NPHS1: variants seen among roughly 807,000 people sequenced by gnomAD.
NPHS1 encodes NPHS1 adhesion molecule, nephrin, also known as nephrin.
NPHS1 carries 107 observed loss-of-function variants against 139.7 expected under a neutral mutation model. The ratio of observed to expected loss-of-function variants is 0.77; its 90% CI spans 0.66 to 0.90. The LOEUF (loss-of-function observed/expected upper bound fraction) is 0.90. Ranked by LOEUF, NPHS1 falls within the 40% of genes least tolerant of loss-of-function variation. The pLI is 0.00. For missense variants in NPHS1, 1,580 were observed against 1,654.2 expected (o/e 0.96, Z 0.78); for synonymous variants, 707 against 706.6 (o/e 1.00, Z -0.01).
intron 28 of NPHS1, among the ~76,000 whole-genome samples, chr19:35,827,574 C>T (rs1464031804): frequency 6.6e-6 from 1 of 152,072 alleles, no homozygotes; most frequent in Non-Finnish European, 1.5e-5. Context: ...TGAAGCAAGC[C>T]CAAGATACCC....
Position 35,851,058 on chromosome 19 carries a change from C to T in NPHS1, c.429G>A (p.Glu143=), listed in dbSNP as rs1173468417. The part of the protein sequence containing the change: ...VPPKLLLLTP[E]AGTMVTWVAG... ...CTACCCAGGTGACCATGGTGCCTGC[C>T]TCTGGGGTCAGCAGGAGCAGCTTGG... The change falls in exon 4 of 29, where the codon GAG becomes GAA. Residue 143 remains glutamate (E), a synonymous_variant. Coordinates refer to ENST00000378910, the MANE Select transcript of NPHS1 (RefSeq NM_004646.4). 3.7e-6 allele frequency: 6 copies of T among 1,614,202 alleles called. No individual in the cohort carries two copies. The highest frequency in any genetic ancestry group is 2.2e-5 in the South Asian group (2 of 91,084).
Position 35,826,031 on chromosome 19 carries a change from C to T in NPHS1, c.*483G>A, listed in dbSNP as rs199649890. 8.3e-5 allele frequency: 14 copies of T among 168,024 alleles called. No homozygotes were observed. In the East Asian group the frequency reaches 1.7e-3, roughly 20 times the overall value. 10.4% of individuals were successfully genotyped at this position (168,024 alleles called of 1,614,324 possible). ...CGTGATCTCAGCTCACTGCAACCTCCGCCTCCTGGGTTCAAGCAATTCTCA... is the reference window on the plus strand; with the variant it reads ...CGTGATCTCAGCTCACTGCAACCTCTGCCTCCTGGGTTCAAGCAATTCTCA... On this transcript the variant is annotated 3_prime_UTR_variant, in exon 29 of 29. Coordinates refer to ENST00000378910, the MANE Select transcript of NPHS1 (RefSeq NM_004646.4).
chr19:35,836,040 A>G (rs2146812586), intron 22 of NPHS1, among the ~76,000 whole-genome samples: 1 of 145,212 alleles, frequency 6.9e-6, no homozygotes, highest in East Asian at 2.1e-4. Context: ...GCTCACTGAA[A>G]CCTCTGCCTC....
chr19:35,843,307 C>T (rs1001658854), intron 17 of NPHS1, among the ~76,000 whole-genome samples, 165 bp downstream of exon 17: 3 of 152,212 alleles, frequency 2.0e-5, no homozygotes, highest in Non-Finnish European at 4.4e-5. Context: ...TTTATCCATG[C>T]ATTCATTTTG....
intron 16 of NPHS1, chr19:35,843,885 T>C (rs752813342): frequency 1.1e-5 from 8 of 702,748 alleles, no homozygotes; most frequent in African/African-American, 1.8e-5. Flanking sequence ...CTTCCGTGTC[T>C]AGGCGGGCAC....
At chr19:35,837,026 A>AAAGAAAGAAAG (rs1399679221) in intron 22 of NPHS1, among the ~76,000 whole-genome samples, 5 of 131,864 alleles carry the variant, frequency 3.8e-5, no homozygotes, top group African/African-American at 1.1e-4. Flanking sequence ...AAAAGAAAAG[A>AAAGAAAGAAAG]AAAGAAAGAA....
In NPHS1 at chr19:35,839,418, C is replaced by T; in HGVS notation, c.2928G>A (p.Arg976=). The part of the protein sequence containing the change: ...DGGLPQRFCI[R]YEALGTPGFH... Reference sequence around the variant, plus strand: ...ACCCTGGAGTCCCCAGGGCCTCATACCTGCAGGACAGGGGGATAGTAAATT... The same window carrying T: ...ACCCTGGAGTCCCCAGGGCCTCATATCTGCAGGACAGGGGGATAGTAAATT... Residue 976 remains arginine, a splice_region_variant and synonymous_variant, in exon 22 of 29, where the codon AGG becomes AGA. Coordinates refer to ENST00000378910, the MANE Select transcript of NPHS1 (RefSeq NM_004646.4). 1 of 1,614,112 alleles carries T rather than the reference C, an allele frequency of 6.2e-7. No homozygotes were observed. The highest frequency in any genetic ancestry group is 1.1e-5 in the South Asian group (1 of 91,084).
At position 35,851,017 on chromosome 19, in the gene NPHS1, A is replaced by G. The variant is rs778247132; in HGVS notation, c.470T>C (p.Val157Ala). 6.2e-7 allele frequency: 1 copy of G among 1,614,188 alleles called. No homozygotes were observed. The highest frequency in any genetic ancestry group is 8.5e-7 in the Non-Finnish European group (1 of 1,180,040). Residue 157 changes from valine (V) to alanine (A), a missense_variant, in exon 4 of 29, where the codon GTG (valine) becomes GCG (alanine). Coordinates refer to ENST00000378910, the MANE Select transcript of NPHS1 (RefSeq NM_004646.4). ...MVTWVAGQEY[V>A]VNCVSGDAKP... Reference sequence around the variant, plus strand: ...CGCGTCCCCAGACACACAGTTGACCACGTACTCCTGCCCAGCTACCCAGGT... The same window carrying G: ...CGCGTCCCCAGACACACAGTTGACCGCGTACTCCTGCCCAGCTACCCAGGT...
Position 35,842,279 on chromosome 19 carries a change from A to G in NPHS1, c.2508T>C (p.Phe836=). 1 of 1,612,642 alleles carries G rather than the reference A, an allele frequency of 6.2e-7. No individual in the cohort carries two copies. The highest frequency in any genetic ancestry group is 8.5e-7 in the Non-Finnish European group (1 of 1,179,990). Residue 836 remains phenylalanine, a splice_region_variant and synonymous_variant, in exon 19 of 29, where the codon TTT becomes TTC. Transcript: ENST00000378910. Reference sequence around the variant, plus strand: ...GAGTGGGGTGCTCCACCTGGGGGGCAACTGGGAGGGGATGGGCAGTCAACA... The same window carrying G: ...GAGTGGGGTGCTCCACCTGGGGGGCGACTGGGAGGGGATGGGCAGTCAACA... ...ARRLLRLVVR[F]APQVEHPTPL... is the part of the protein sequence containing the mutation.
chr19:35,836,473 C>T (rs1222586394), intron 22 of NPHS1, among the ~76,000 whole-genome samples: 4 of 151,924 alleles, frequency 2.6e-5, no homozygotes, highest in Non-Finnish European at 4.4e-5. Context: ...CCTTTTCACC[C>T]GAATTATCAA....
At position 35,852,300 on chromosome 19, in the gene NPHS1, CTCTG is replaced by C. The variant is rs973299733; in HGVS notation, c.-467_-464del. 2.0e-5 allele frequency among the ~76,000 whole-genome samples: 3 copies of C among 149,204 alleles called. No homozygotes were observed. In the East Asian group the frequency reaches 5.8e-4, roughly 29 times the overall value. On this transcript the variant is annotated 5_prime_UTR_variant, in exon 1 of 29. Transcript: ENST00000378910. ...CTTTTGTCTCTGTCTCTTCCTCTCT[CTCTG>C]TCTCTCTCTCTCTCTCTCTCTCAAT...
intron 4 of NPHS1, 29 bp from the exon 5 acceptor site, chr19:35,850,474 T>C: frequency 6.3e-7 from 1 of 1,589,158 alleles, no homozygotes; most frequent in Non-Finnish European, 8.6e-7. Context: ...CTAGAGGGGT[T>C]CCAGGCTCCC....
intron 11 of NPHS1, chr19:35,847,821 A>G (rs1973166533): frequency 7.9e-6 from 4 of 506,838 alleles, no homozygotes; most frequent in Non-Finnish European, 1.4e-5. Flanking sequence ...TCCAATTTTT[A>G]TCCTAAAATT....
chr19:35,825,648 C>G lies in NPHS1; in HGVS notation c.*866G>C, dbSNP rs1972792171. Reference sequence around the variant, plus strand: ...ATTTCTATAAACGAAAGCACACACACAGTACATATTCTTTTCCTCTAGCTT... The same window carrying G: ...ATTTCTATAAACGAAAGCACACACAGAGTACATATTCTTTTCCTCTAGCTT... On this transcript the variant is annotated 3_prime_UTR_variant, in exon 29 of 29. Transcript: ENST00000378910. Among the ~76,000 whole-genome samples the G allele has an allele frequency of 6.6e-6, 1 of 152,154 alleles. No individual in the cohort carries two copies. The highest frequency in any genetic ancestry group is 2.1e-4 in the South Asian group (1 of 4,826).
At chr19:35,836,631 G>A (rs1001922646) in intron 22 of NPHS1, among the ~76,000 whole-genome samples, 4 of 151,988 alleles carry the variant, frequency 2.6e-5, no homozygotes, top group African/African-American at 9.7e-5. Flanking sequence ...AGAGAAGATT[G>A]TAGGGGTGAA....
chr19:35,851,608 CAG>C lies in NPHS1; in HGVS notation c.121_122del (p.Leu41AspfsTer50), dbSNP rs386833873. ...PRGFWALPEN[L>X]TVVEGASVEL... ...CCACTGAGGCCCCCTCCACCACCGT[CAG>C]GTTTTCAGGCAGGGCCCAGAAGCCC... On this transcript the variant is annotated frameshift_variant, in exon 2 of 29. Coordinates refer to ENST00000378910, the MANE Select transcript of NPHS1 (RefSeq NM_004646.4). LOFTEE classifies it high-confidence loss of function. 4.4e-4 allele frequency: 710 copies of C among 1,614,008 alleles called. No homozygotes were observed. Among genetic ancestry groups the C allele is most frequent in the Non-Finnish European group, 5.6e-5 (66 of 1,180,014 alleles).
At position 35,845,455 on chromosome 19, in the gene NPHS1, G is replaced by A. The variant is rs1254668956; in HGVS notation, c.1843C>T (p.Arg615Cys). ...ARSVLLQVSS[R>C]DHGQRVTCRA... ...CAGGTCACGCGCTGGCCATGATCGCGGGATGACACTTGCAGAAGGACGCTC... is the reference window on the plus strand; with the variant it reads ...CAGGTCACGCGCTGGCCATGATCGCAGGATGACACTTGCAGAAGGACGCTC... The change falls in exon 14 of 29, where the codon CGC becomes TGC. Residue 615 changes from arginine (R) to cysteine (C), a missense_variant. Transcript: ENST00000378910. This position sits in a 1 kb window ranked among gnomAD's most constrained non-coding sequence, Gnocchi z 5.5. 3.7e-6 allele frequency: 6 copies of A among 1,614,154 alleles called. No individual in the cohort carries two copies. The highest frequency in any genetic ancestry group is 1.7e-4 in the Middle Eastern group (1 of 6,050).
intron 14 of NPHS1, among the ~76,000 whole-genome samples, chr19:35,844,755 C>T (rs1973111515): frequency 6.6e-6 from 1 of 151,916 alleles, no homozygotes; most frequent in South Asian, 2.1e-4. Flanking sequence ...AGGAGTTGGC[C>T]CAGGACCACG....
At position 35,831,077 on chromosome 19, in the gene NPHS1, G is replaced by C. The variant is rs892096849; in HGVS notation, c.3457C>G (p.Gln1153Glu). The C allele has an allele frequency of 1.9e-6, 3 of 1,614,034 alleles. No homozygotes were observed. Among genetic ancestry groups the C allele is most frequent in the Non-Finnish European group, 1.7e-6 (2 of 1,180,040 alleles). ...RDFSPQLPPT[Q>E]EEVSYSRGFT... ...CCTCGGGAATAAGACACCTCCTCCT[G>C]CGTCGGGGGCAGCTGGGGGCTGAAG... Residue 1153 changes from glutamine (Q) to glutamate (E), a missense_variant, in exon 27 of 29, where the codon CAG (glutamine) becomes GAG (glutamate). Gln to Glu is a conservative substitution (Grantham distance 29, BLOSUM62 2). Transcript: ENST00000378910.
Sources: gnomAD v4.1 joint callset for allele counts (sites outside exome capture counted in the v4.1 genomes callset) on GRCh38, gnomAD v4.1.1 for gene constraint, Gnocchi (gnomAD v3.1) non-coding constraint, MANE v1.5 for transcripts, NCBI Gene and HGNC (gene_info 2026-07-23, HGNC 2026-07-21) for gene names.